STON2: variants seen among roughly 807,000 people sequenced by gnomAD.
STON2 encodes the protein stonin-2.
In STON2, 29 loss-of-function variants were observed where a neutral mutation model predicts 65.7. The ratio of observed to expected loss-of-function variants is 0.44; its 90% confidence interval spans 0.33 to 0.60. STON2 has a LOEUF of 0.60. Among genes scored for constraint, STON2 ranks in the 20% least tolerant of loss-of-function variants. The pLI is 0.03. For missense variants in STON2, 1,054 were observed against 1,118.1 expected, an observed-to-expected ratio of 0.94 and a Z score of 0.82; for synonymous variants, 404 against 414.2, an observed-to-expected ratio of 0.98 and a Z score of 0.30.
chr14:81,304,141 G>A (rs935754899), intron 5 of STON2, among the ~76,000 whole-genome samples: 9 of 151,998 alleles, frequency 5.9e-5, no homozygotes, highest in South Asian at 2.1e-4. Context: ...GTTCTTTTAC[G>A]TATCTCATCT....
intron 2 of STON2, among the ~76,000 whole-genome samples, chr14:81,425,373 G>A (rs1383804942): frequency 6.6e-6 from 1 of 152,074 alleles, no homozygotes; most frequent in Non-Finnish European, 1.5e-5. Flanking sequence ...AGGAGTTCGA[G>A]ACCAGCTTAG....
chr14:81,306,671 A>T (rs1187450983), intron 5 of STON2: 1 of 152,184 alleles, frequency 6.6e-6, no homozygotes, highest in Non-Finnish European at 1.5e-5. Context: ...CGACTGCAGG[A>T]TGACTTCCTG....
At position 81,396,043 on chromosome 14, in the gene STON2, A is replaced by G. The variant is rs1900301641; in HGVS notation, c.224T>C (p.Met75Thr). The G allele has an allele frequency of 1.2e-6, 2 of 1,614,182 alleles. No individual in the cohort carries two copies. The highest frequency in any genetic ancestry group is 8.5e-7 in the Non-Finnish European group (1 of 1,180,024). Reference sequence around the variant, plus strand: ...GGAAGCTGCTTCAGAGATGAGGCCCATCTTTTCAGAGGAGTCATCCTGCTC... The same window carrying G: ...GGAAGCTGCTTCAGAGATGAGGCCCGTCTTTTCAGAGGAGTCATCCTGCTC... ...HSEQDDSSEKMGLISEAASPP... is the reference protein window; with the variant it reads ...HSEQDDSSEKTGLISEAASPP... Residue 75 changes from methionine to threonine, a missense_variant, in exon 3 of 8, where the codon ATG (methionine) becomes ACG (threonine). By Grantham distance (81) the Met-to-Thr change is moderately conservative (BLOSUM62 -1). Transcript: ENST00000614646.
intron 5 of STON2, among the ~76,000 whole-genome samples, chr14:81,296,948 G>A (rs775684413): frequency 6.6e-6 from 1 of 152,146 alleles, no homozygotes; most frequent in Admixed American, 6.5e-5. Flanking sequence ...ACCATCTTCA[G>A]CCACCTGGCA....
chr14:81,432,742 T>C (rs867053520), intron 1 of STON2, among the ~76,000 whole-genome samples: 8 of 152,258 alleles, frequency 5.3e-5, no homozygotes, highest in Admixed American at 3.9e-4. Flanking sequence ...TTTCTCACTA[T>C]GAGCATTGCA....
intron 4 of STON2, among the ~76,000 whole-genome samples, chr14:81,341,619 A>G (rs749227547): frequency 6.6e-5 from 10 of 152,096 alleles, no homozygotes; most frequent in Admixed American, 3.9e-4. Flanking sequence ...AATGGGAGCA[A>G]GTGGGCGTGT....
At chr14:81,416,974 T>C (rs1901467923) in intron 2 of STON2, among the ~76,000 whole-genome samples, 1 of 152,154 alleles carries the variant, frequency 6.6e-6, no homozygotes, top group Non-Finnish European at 1.5e-5. Flanking sequence ...GTCAGCTCAA[T>C]GCAGATCTGT....
At chr14:81,406,770 C>T (rs909618658) in intron 2 of STON2, among the ~76,000 whole-genome samples, 2 of 152,162 alleles carry the variant, frequency 1.3e-5, no homozygotes, top group African/African-American at 4.8e-5. Context: ...CTCAATCCTC[C>T]AGCAGCCACT....
At chr14:81,356,943 T>C (rs1898264392) in intron 4 of STON2, among the ~76,000 whole-genome samples, 1 of 152,096 alleles carries the variant, frequency 6.6e-6, no homozygotes, top group South Asian at 2.1e-4. Flanking sequence ...ATTTTGTTGA[T>C]CCTTTCAAAA....
At chr14:81,386,179 G>T (rs1012771621) in intron 3 of STON2, among the ~76,000 whole-genome samples, 3 of 152,042 alleles carry the variant, frequency 2.0e-5, no homozygotes, top group African/African-American at 7.3e-5. Context: ...CTCCACAAAG[G>T]TCATTAACTA....
intron 2 of STON2, among the ~76,000 whole-genome samples, chr14:81,410,700 T>C (rs1443480622): frequency 6.6e-6 from 1 of 152,188 alleles, no homozygotes; most frequent in African/African-American, 2.4e-5. Context: ...CATTTTGTGG[T>C]CCTGTGATAC....
chr14:81,265,927 T>C lies in STON2; in HGVS notation c.*2487A>G. 2.0e-6 allele frequency: 2 copies of C among 985,346 alleles called. No homozygotes were observed. Among genetic ancestry groups the C allele is most frequent in the Non-Finnish European group, 2.4e-6 (2 of 829,922 alleles). The allele number at this position is 985,346 out of a possible 1,614,324, so 61.0% of individuals were successfully genotyped here. A position where few individuals can be genotyped will look rare whatever the true frequency, so the allele number is the denominator to read the frequency against. ...AAGGAAGGTGCTGGGATGAGCTTCA[T>C]TTCCCTTGCCAACTCTCCAATCCAT... is the stretch of plus-strand genomic sequence containing the variant. On this transcript the variant is annotated 3_prime_UTR_variant, in exon 8 of 8. Transcript: ENST00000614646.
chr14:81,299,060 A>G (rs1309314013), intron 5 of STON2, among the ~76,000 whole-genome samples: 1 of 152,200 alleles, frequency 6.6e-6, no homozygotes, highest in African/African-American at 2.4e-5. Flanking sequence ...GAAAATAGCA[A>G]CAGCCCAAAA....
At chr14:81,280,538 C>CT (rs796121345) in intron 5 of STON2, among the ~76,000 whole-genome samples, 14 of 152,216 alleles carry the variant, frequency 9.2e-5, no homozygotes, top group African/African-American at 3.1e-4. Flanking sequence ...ACTCAAATGA[C>CT]TGAGTTTTCT....
At chr14:81,369,807 C>T (rs1445763707) in intron 4 of STON2, among the ~76,000 whole-genome samples, 1 of 152,148 alleles carries the variant, frequency 6.6e-6, no homozygotes, top group East Asian at 1.9e-4. Context: ...AAAAGTGAAG[C>T]AGGGAGGCAA....
intron 2 of STON2, among the ~76,000 whole-genome samples, chr14:81,397,490 C>G (rs1446989174): frequency 6.6e-6 from 1 of 152,138 alleles, no homozygotes; most frequent in Non-Finnish European, 1.5e-5. Context: ...TACAGCACAT[C>G]CCAATTCAGA....
intron 2 of STON2, among the ~76,000 whole-genome samples, chr14:81,412,636 A>G (rs911145767): frequency 2.9e-5 from 4 of 139,406 alleles, no homozygotes; most frequent in Non-Finnish European, 6.0e-5. Context: ...AGATAAAAAG[A>G]GTTCTGGAGA....
chr14:81,325,991 C>T (rs1375353582), intron 4 of STON2, among the ~76,000 whole-genome samples: 1 of 152,066 alleles, frequency 6.6e-6, no homozygotes, highest in Non-Finnish European at 1.5e-5. Flanking sequence ...GCTCTCTCAC[C>T]CCAATGTATT....
intron 5 of STON2, among the ~76,000 whole-genome samples, chr14:81,297,697 C>T (rs919809107): frequency 2.0e-5 from 3 of 152,122 alleles, no homozygotes; most frequent in Admixed American, 6.5e-5. Flanking sequence ...TGTTTTGCTT[C>T]GTATAGTATA....
Sources: allele counts gnomAD v4.1 joint callset (sites outside exome capture counted in the v4.1 genomes callset), GRCh38; gene constraint gnomAD v4.1.1; transcripts MANE v1.5; gene names NCBI Gene and HGNC (gene_info 2026-07-23, HGNC 2026-07-21).